CRB1: variants seen among roughly 807,000 people sequenced by gnomAD.
CRB1 encodes the protein crumbs cell polarity complex component 1, also known as protein crumbs homolog 1.
Under a neutral mutation model 120.0 loss-of-function variants are expected in CRB1, and 83 were observed. That is an observed-to-expected ratio of 0.69 (90% CI 0.58 to 0.83). The LOEUF (loss-of-function observed/expected upper bound fraction) is 0.83, where lower values mean the gene tolerates loss of function less well. CRB1 is among the 40% of genes least tolerant of loss of function. The pLI is 0.00. For synonymous variants in CRB1, 625 were observed against 612.5 expected (o/e 1.02, Z -0.30); for missense variants, 1,699 against 1,687.6 (o/e 1.01, Z -0.12).
chr1:197,238,608 G>A, the CRB1 span, among the ~76,000 whole-genome samples: 1 of 152,116 alleles, frequency 6.6e-6, no homozygotes, highest in Non-Finnish European at 1.5e-5. Flanking sequence ...CACTTTGGGA[G>A]GCCAAAGCAG....
At chr1:197,332,144 A>G (rs1283472401) in intron 2 of CRB1, among the ~76,000 whole-genome samples, 2 of 152,024 alleles carry the variant, frequency 1.3e-5, no homozygotes, top group Non-Finnish European at 2.9e-5. Flanking sequence ...TGTCTCAAAA[A>G]AACAAAAAAC....
At chr1:197,365,598 C>G (rs1032906397) in intron 5 of CRB1, among the ~76,000 whole-genome samples, 1 of 142,074 alleles carries the variant, frequency 7.0e-6, no homozygotes, top group South Asian at 2.2e-4. Context: ...TCCTTCTCCT[C>G]CTTCTCCTTC....
chr1:197,212,263 T>C, the CRB1 span, among the ~76,000 whole-genome samples: 1 of 152,152 alleles, frequency 6.6e-6, no homozygotes, highest in South Asian at 2.1e-4. Context: ...AAACTAACCA[T>C]TCCATCCTTA....
intron 5 of CRB1, among the ~76,000 whole-genome samples, chr1:197,405,557 C>T (rs1438647366): frequency 6.6e-6 from 1 of 151,486 alleles, no homozygotes; most frequent in African/African-American, 2.4e-5. Context: ...ACGTGAGGAA[C>T]CCCTCTGCCT....
chr1:197,322,377 A>G (rs1225170619), intron 1 of CRB1, among the ~76,000 whole-genome samples: 1 of 151,632 alleles, frequency 6.6e-6, no homozygotes, highest in Non-Finnish European at 1.5e-5. Flanking sequence ...GCATGAGAAT[A>G]CCTTGAACCC....
intron 1 of CRB1, among the ~76,000 whole-genome samples, chr1:197,320,811 T>C (rs1237950543): frequency 6.6e-6 from 1 of 152,222 alleles, no homozygotes; most frequent in Admixed American, 6.5e-5. Flanking sequence ...AACTATTAAT[T>C]AAATTAATTG....
chr1:197,445,862 AT>A (rs566911278), intron 11 of CRB1, among the ~76,000 whole-genome samples: 11 of 152,304 alleles, frequency 7.2e-5, no homozygotes, highest in African/African-American at 2.4e-4. Context: ...TTTAGACACA[AT>A]GCTTGCTCAA....
At chr1:197,468,643 T>C (rs1302939308) in intron 11 of CRB1, among the ~76,000 whole-genome samples, 1 of 152,114 alleles carries the variant, frequency 6.6e-6, no homozygotes, top group African/African-American at 2.4e-5. Context: ...TAACAAATAG[T>C]CATGCCTTAC....
intron 6 of CRB1, among the ~76,000 whole-genome samples, chr1:197,425,322 C>G (rs947122828): frequency 1.3e-5 from 2 of 152,102 alleles, no homozygotes; most frequent in Admixed American, 1.3e-4. Flanking sequence ...ATGCAATGTT[C>G]CTGTATTAAA....
chr1:197,344,461 T>C lies in CRB1; in HGVS notation c.833T>C (p.Val278Ala), dbSNP rs140214293. The part of the protein sequence containing the change: ...SQPCLHGGLC[V>A]DGENRYSCNC... ...CCTTGTCTCCATGGAGGGCTGTGTG[T>C]GGATGGAGAAAACAGGTACATTTTC... The change falls in exon 3 of 12, where the codon GTG becomes GCG. Residue 278 changes from valine to alanine, a missense_variant. Transcript: ENST00000367400. The C allele has an allele frequency of 3.1e-5, 50 of 1,614,112 alleles. No individual in the cohort carries two copies. In the African/African-American group the frequency reaches 5.2e-4, roughly 17 times the overall value.
intron 11 of CRB1, among the ~76,000 whole-genome samples, chr1:197,471,383 C>T (rs926093581): frequency 3.3e-5 from 5 of 152,164 alleles, no homozygotes; most frequent in South Asian, 2.1e-4. Flanking sequence ...GTTCTGTTCT[C>T]GGCAAACCCA....
At chr1:197,290,488 C>A (rs921448626) in intron 1 of CRB1, among the ~76,000 whole-genome samples, 2 of 151,548 alleles carry the variant, frequency 1.3e-5, no homozygotes, top group Admixed American at 1.3e-4. Flanking sequence ...CTGAACAGCT[C>A]AGTTTCACAT....
At chr1:197,473,333 C>T (rs369140713) in intron 11 of CRB1, among the ~76,000 whole-genome samples, 1 of 152,154 alleles carries the variant, frequency 6.6e-6, no homozygotes, top group African/African-American at 2.4e-5. Flanking sequence ...GGTGCTAGCA[C>T]ATTCCAGCAT....
the CRB1 span, among the ~76,000 whole-genome samples, chr1:197,203,905 T>A: frequency 6.6e-6 from 1 of 152,182 alleles, no homozygotes. Flanking sequence ...ATCCAAGTAG[T>A]ACACACTATA....
chr1:197,259,973 G>A, the CRB1 span, among the ~76,000 whole-genome samples: 1 of 150,110 alleles, frequency 6.7e-6, no homozygotes, highest in Non-Finnish European at 1.5e-5. Flanking sequence ...ACATAGTGAG[G>A]CCCCATGTCT....
chr1:197,236,180 T>C, the CRB1 span, among the ~76,000 whole-genome samples: 5 of 148,178 alleles, frequency 3.4e-5, no homozygotes. Flanking sequence ...TTATGATCTG[T>C]ATGGCTTTTA....
chr1:197,343,032 C>G (rs2821125), intron 2 of CRB1, among the ~76,000 whole-genome samples: 125,782 of 152,206 alleles, frequency 0.83, 52,267 homozygotes, highest in African/African-American at 0.91. Flanking sequence ...CCATTTTCAC[C>G]GACATAAATT....
intron 8 of CRB1, among the ~76,000 whole-genome samples, chr1:197,431,584 G>A (rs1312281801): frequency 6.6e-6 from 1 of 152,138 alleles, no homozygotes; most frequent in Non-Finnish European, 1.5e-5. Flanking sequence ...AAAATGAATA[G>A]GATTTCTAAA....
At chr1:197,285,930 C>T (rs960134475) in intron 1 of CRB1, among the ~76,000 whole-genome samples, 2 of 151,820 alleles carry the variant, frequency 1.3e-5, no homozygotes, top group African/African-American at 4.8e-5. Context: ...AGCAGAATCT[C>T]TTTCTCTCCT....
Sources: allele counts gnomAD v4.1 joint callset (sites outside exome capture counted in the v4.1 genomes callset), GRCh38; gene constraint gnomAD v4.1.1; transcripts MANE v1.5; gene names NCBI Gene and HGNC (gene_info 2026-07-23, HGNC 2026-07-21).